Variants in DCUN1D3 observed in about 807,000 individuals in gnomAD.
DCUN1D3 encodes the protein DCN1-like protein 3.
In DCUN1D3, 6 loss-of-function variants were observed where a neutral mutation model predicts 24.8. The ratio of observed to expected loss-of-function variants is 0.24; its 90% CI spans 0.13 to 0.48. The LOEUF is 0.48. Ranked by LOEUF, DCUN1D3 falls within the 20% of genes least tolerant of loss-of-function variation. The pLI, the probability that DCUN1D3 is intolerant of heterozygous loss-of-function variation, is 0.99. For synonymous variants in DCUN1D3, 120 were observed against 144.9 expected (o/e 0.83, Z 1.24); for missense variants, 258 against 379.4 (o/e 0.68, Z 2.66).
At chr16:20,887,620 T>C (rs1451147806) in intron 1 of DCUN1D3, among the ~76,000 whole-genome samples, 1 of 152,208 alleles carries the variant, frequency 6.6e-6, no homozygotes, top group African/African-American at 2.4e-5. Context: ...CTGTCTTGGT[T>C]CTTGAGCTAC....
intron 1 of DCUN1D3, among the ~76,000 whole-genome samples, chr16:20,881,888 C>T (rs374099729): frequency 6.6e-5 from 10 of 152,092 alleles, no homozygotes; most frequent in African/African-American, 2.2e-4. Context: ...CTGCAACCTC[C>T]GCCTCCCAGG....
rs2081716989 is a variant in DCUN1D3 at position 20,859,341 on chromosome 16, AAC to A, written c.*543_*544del. ...AATTAATGCAATGTGGTTAACAGTT[AAC>A]ACTGCTATTCAAATCTGTGTAAATC... On this transcript the variant is annotated 3_prime_UTR_variant, in exon 3 of 3. Coordinates refer to ENST00000324344, the MANE Select transcript of DCUN1D3 (RefSeq NM_173475.4). The A allele has an allele frequency of 6.5e-6, 1 of 152,682 alleles. No homozygotes were observed. The highest frequency in any genetic ancestry group is 1.5e-5 in the Non-Finnish European group (1 of 68,062). The allele number at this position is 152,682 out of a possible 1,614,324, so 9.5% of individuals were successfully genotyped here. A position where few individuals can be genotyped will look rare whatever the true frequency, so the allele number is the denominator to read the frequency against.
rs180913346 is a variant in DCUN1D3, at chr16:20,889,628, G to A, written c.-106+10576C>T. Among the ~76,000 whole-genome samples, 39 of 152,160 alleles carry A rather than the reference G, an allele frequency of 2.6e-4. No homozygotes were observed. In the East Asian group the frequency reaches 6.0e-3, roughly 23 times the overall value. ...AATCAACTTTAGGTACCCTTATTCC[G>A]TTACTACTTACAAGATACAAAACTG... On this transcript the variant is annotated intron_variant, in intron 1 of 2. Coordinates refer to ENST00000324344, the MANE Select transcript of DCUN1D3 (RefSeq NM_173475.4).
intron 1 of DCUN1D3, among the ~76,000 whole-genome samples, chr16:20,875,457 C>A (rs567576590): frequency 6.6e-6 from 1 of 152,180 alleles, no homozygotes; most frequent in Non-Finnish European, 1.5e-5. Context: ...TGCAAAATGA[C>A]TAGGTTTGTA....
intron 1 of DCUN1D3, among the ~76,000 whole-genome samples, chr16:20,885,320 A>T (rs1278530627): frequency 1.3e-5 from 2 of 152,150 alleles, no homozygotes; most frequent in Non-Finnish European, 2.9e-5. Flanking sequence ...CACTTGGCAC[A>T]GGGACCTATC....
intron 1 of DCUN1D3, among the ~76,000 whole-genome samples, chr16:20,867,698 G>C (rs980908014): frequency 6.6e-6 from 1 of 152,218 alleles, no homozygotes; most frequent in Non-Finnish European, 1.5e-5. Context: ...AGTAGTAGTA[G>C]TAGCTCAGTA....
chr16:20,891,568 T>G (rs546933802), intron 1 of DCUN1D3, among the ~76,000 whole-genome samples: 53 of 152,160 alleles, frequency 3.5e-4, no homozygotes, highest in Admixed American at 3.0e-3. Flanking sequence ...AGATGGGAAG[T>G]TGTCAGAGAG....
intron 1 of DCUN1D3, among the ~76,000 whole-genome samples, chr16:20,871,359 G>A (rs923856248): frequency 3.9e-5 from 6 of 152,192 alleles, no homozygotes; most frequent in Non-Finnish European, 5.9e-5. Flanking sequence ...AAAGAAAAGA[G>A]GGAGGAAGGA....
intron 1 of DCUN1D3, among the ~76,000 whole-genome samples, chr16:20,879,791 A>G (rs1302306110): frequency 6.6e-6 from 1 of 152,228 alleles, no homozygotes; most frequent in Non-Finnish European, 1.5e-5. Context: ...TCTGCCAGGC[A>G]GCCAAGATTA....
intron 1 of DCUN1D3, 96 bp from the exon 2 acceptor site, chr16:20,862,739 A>G: frequency 3.3e-6 from 4 of 1,197,846 alleles, no homozygotes; most frequent in Non-Finnish European, 4.5e-6. Context: ...CTCTATTTCC[A>G]TGAGCCAACA....
Position 20,860,491 on chromosome 16 carries a change from C to A in DCUN1D3, c.432-122G>T. 1 of 1,028,586 alleles carries A rather than the reference C, an allele frequency of 9.7e-7. No homozygotes were observed. The highest frequency in any genetic ancestry group is 1.4e-6 in the Non-Finnish European group (1 of 725,624). The allele number at this position is 1,028,586 out of a possible 1,614,324, so 63.7% of individuals were successfully genotyped here. A position where few individuals can be genotyped will look rare whatever the true frequency, so the allele number is the denominator to read the frequency against. Reference sequence around the variant, plus strand: ...GTCTGAATTTGAATTCTAACTCCTCCAACTAATTAGTCCTATTTCCTTACT... The same window carrying A: ...GTCTGAATTTGAATTCTAACTCCTCAAACTAATTAGTCCTATTTCCTTACT... On this transcript the variant is annotated intron_variant, in intron 2 of 2. Coordinates refer to ENST00000324344, the MANE Select transcript of DCUN1D3 (RefSeq NM_173475.4). This position sits in a 1 kb window ranked among gnomAD's most constrained non-coding sequence, Gnocchi z 4.3.
At position 20,896,041 on chromosome 16, in the gene DCUN1D3, A is replaced by AATAT. The variant is rs1297619711; in HGVS notation, c.-106+4159_-106+4162dup. 2.0e-5 allele frequency among the ~76,000 whole-genome samples: 3 copies of AATAT among 152,338 alleles called. No individual in the cohort carries two copies. The East Asian group carries it at 5.8e-4, about 29-fold the overall frequency. ...ACTCAATAAATTACATGAGATATTCAATATTTTATTATAAAATAGGCTCAT... is the reference window on the plus strand; with the variant it reads ...ACTCAATAAATTACATGAGATATTCAATATATATTTTATTATAAAATAGGCTCAT... On this transcript the variant is annotated intron_variant, in intron 1 of 2. Coordinates refer to ENST00000324344, the MANE Select transcript of DCUN1D3 (RefSeq NM_173475.4).
At chr16:20,861,500 A>T (rs2152515914) in intron 2 of DCUN1D3, among the ~76,000 whole-genome samples, 1 of 152,248 alleles carries the variant, frequency 6.6e-6, no homozygotes, top group South Asian at 2.1e-4. Flanking sequence ...CTATATTGGT[A>T]CTCACAGTGC....
intron 1 of DCUN1D3, among the ~76,000 whole-genome samples, chr16:20,893,656 C>T (rs2081902261): frequency 1.3e-5 from 2 of 152,266 alleles, no homozygotes; most frequent in South Asian, 2.1e-4. Context: ...CAGCAAAACC[C>T]CCTCATCCCT....
intron 1 of DCUN1D3, among the ~76,000 whole-genome samples, chr16:20,863,992 A>C (rs185366789): frequency 4.6e-5 from 7 of 152,336 alleles, no homozygotes; most frequent in Admixed American, 4.6e-4. Flanking sequence ...TAAAGACTTA[A>C]ATGTAAAACC....
chr16:20,871,038 AACT>A (rs2081786030), intron 1 of DCUN1D3, among the ~76,000 whole-genome samples: 1 of 152,092 alleles, frequency 6.6e-6, no homozygotes, highest in African/African-American at 2.4e-5. Flanking sequence ...TCCATTTGTA[AACT>A]ACTTCCTAGA....
At position 20,856,454 on chromosome 16, in the gene DCUN1D3, A is replaced by G. The variant is rs1259051611; in HGVS notation, c.*3432T>C. 1.3e-5 allele frequency: 2 copies of G among 152,224 alleles called. No individual in the cohort carries two copies. Among genetic ancestry groups the G allele is most frequent in the Admixed American group, 1.3e-4 (2 of 15,282 alleles). 9.4% of individuals were successfully genotyped at this position (152,224 alleles called of 1,614,324 possible). A position where few individuals can be genotyped will look rare whatever the true frequency, so the allele number is the denominator to read the frequency against. ...GGCTTAATCCTTTCTCCCTTTCCAA[A>G]AAGACTAGTTTGTGCTTTCCTTGGG... On this transcript the variant is annotated 3_prime_UTR_variant, in exon 3 of 3. Coordinates refer to ENST00000324344, the MANE Select transcript of DCUN1D3 (RefSeq NM_173475.4).
intron 1 of DCUN1D3, among the ~76,000 whole-genome samples, chr16:20,864,822 G>A (rs542967225): frequency 6.6e-6 from 1 of 152,268 alleles, no homozygotes; most frequent in Admixed American, 6.5e-5. Flanking sequence ...AAAAAAGAAC[G>A]AGATCATGTC....
intron 1 of DCUN1D3, among the ~76,000 whole-genome samples, chr16:20,867,703 T>C (rs2081769348): frequency 6.6e-6 from 1 of 152,192 alleles, no homozygotes; most frequent in South Asian, 2.1e-4. Flanking sequence ...TAGTAGTAGC[T>C]CAGTAGTATC....
Sources: gnomAD v4.1 joint callset for allele counts (sites outside exome capture counted in the v4.1 genomes callset) on GRCh38, gnomAD v4.1.1 for gene constraint, Gnocchi (gnomAD v3.1) non-coding constraint, MANE v1.5 for transcripts, NCBI Gene and HGNC (gene_info 2026-07-23, HGNC 2026-07-21) for gene names.